Variants in GLI2 observed in about 807,000 individuals in gnomAD.
GLI2 encodes transcription activator GLI2.
A neutral mutation model predicts 78.9 loss-of-function variants in GLI2; 22 were observed. That is an observed-to-expected ratio of 0.28 (90% CI 0.20 to 0.40). The LOEUF (loss-of-function observed/expected upper bound fraction) is 0.40, where lower values mean the gene tolerates loss of function less well. Among genes scored for constraint, GLI2 ranks in the 10% least tolerant of loss-of-function variants. The pLI is 1.00. For missense variants in GLI2, 2,097 were observed against 2,213.2 expected, an observed-to-expected ratio of 0.95 and a Z score of 1.05; for synonymous variants, 974 against 963.7, an observed-to-expected ratio of 1.01 and a Z score of -0.20.
chr2:120,739,427 C>T (rs1682462060), intron 1 of GLI2, among the ~76,000 whole-genome samples: 1 of 152,228 alleles, frequency 6.6e-6, no homozygotes, highest in Non-Finnish European at 1.5e-5. Flanking sequence ...GAATCGGAGT[C>T]CTACATCCTT....
At chr2:120,881,963 G>A (rs576917811) in intron 2 of GLI2, among the ~76,000 whole-genome samples, 9 of 152,124 alleles carry the variant, frequency 5.9e-5, no homozygotes, top group South Asian at 4.1e-4. Context: ...AGCTGGCAAC[G>A]AATGGTCCAG....
chr2:120,747,617 A>G (rs1682731859), intron 1 of GLI2, among the ~76,000 whole-genome samples: 1 of 152,224 alleles, frequency 6.6e-6, no homozygotes, highest in African/African-American at 2.4e-5. Context: ...TAGTGGGTAG[A>G]GGCCAGGGAT....
At chr2:120,759,533 G>A (rs761009282) in intron 1 of GLI2, among the ~76,000 whole-genome samples, 4 of 152,156 alleles carry the variant, frequency 2.6e-5, no homozygotes, top group Non-Finnish European at 5.9e-5. Flanking sequence ...AAGGATAAAG[G>A]TAAAGAGATG....
rs142670658 is a variant in GLI2, at chr2:120,816,483, C to T, written c.148+19015C>T. On this transcript the variant is annotated intron_variant, in intron 2 of 13. Coordinates refer to ENST00000361492, the MANE Select transcript of GLI2 (RefSeq NM_001374353.1). Reference sequence around the variant, plus strand: ...GTGCTGGGATTACAGGCATAAGCCACGGCGCCCGGCCCCAAAGAGCTTTTT... The same window carrying T: ...GTGCTGGGATTACAGGCATAAGCCATGGCGCCCGGCCCCAAAGAGCTTTTT... 2.7e-3 allele frequency among the ~76,000 whole-genome samples: 409 copies of T among 151,828 alleles called. 3 individuals carry two copies. Among genetic ancestry groups the T allele is most frequent in the African/African-American group, 9.0e-3 (372 of 41,424 alleles).
intron 1 of GLI2, among the ~76,000 whole-genome samples, chr2:120,784,089 G>T (rs1337046401): frequency 6.6e-6 from 1 of 152,212 alleles, no homozygotes; most frequent in Non-Finnish European, 1.5e-5. Flanking sequence ...GGCAATCCAG[G>T]AGACAGCTGA....
At chr2:120,767,117 C>T (rs1195102529) in intron 1 of GLI2, among the ~76,000 whole-genome samples, 1 of 152,222 alleles carries the variant, frequency 6.6e-6, no homozygotes, top group Non-Finnish European at 1.5e-5. Flanking sequence ...TCTAACCGAC[C>T]TCTACGTAAC....
At chr2:120,929,292 C>T (rs533709518) in intron 3 of GLI2, among the ~76,000 whole-genome samples, 4 of 152,332 alleles carry the variant, frequency 2.6e-5, no homozygotes, top group South Asian at 2.1e-4. Context: ...CTGGCTTCTC[C>T]GCTTTAAAGT....
chr2:120,843,107 G>C (rs17390274), intron 2 of GLI2, among the ~76,000 whole-genome samples: 22,235 of 152,182 alleles, frequency 0.15, 1,798 homozygotes, highest in Middle Eastern at 0.25. Context: ...CTGTGTGTAC[G>C]GGAAGGTGCC....
chr2:120,795,237 C>A (rs530697866), intron 1 of GLI2, among the ~76,000 whole-genome samples: 2 of 149,240 alleles, frequency 1.3e-5, no homozygotes, highest in Admixed American at 1.3e-4. Flanking sequence ...AAGAAAAATT[C>A]TTGGCTGGGC....
chr2:120,966,111 A>G (rs1220971622), intron 5 of GLI2, among the ~76,000 whole-genome samples: 2 of 152,132 alleles, frequency 1.3e-5, no homozygotes, highest in Non-Finnish European at 2.9e-5. Flanking sequence ...TTCAACTGGG[A>G]GCTTTCCTAA....
intron 1 of GLI2, among the ~76,000 whole-genome samples, chr2:120,760,733 C>G (rs1573351273): frequency 6.6e-6 from 1 of 152,186 alleles, no homozygotes; most frequent in Non-Finnish European, 1.5e-5. Flanking sequence ...TCTCTTTTGG[C>G]TCTTTTTTCT....
chr2:120,894,933 G>A (rs1357425915), intron 2 of GLI2, among the ~76,000 whole-genome samples: 2 of 152,106 alleles, frequency 1.3e-5, no homozygotes, highest in African/African-American at 4.8e-5. Context: ...TCCTGACCTC[G>A]TGATCTGCCC....
intron 2 of GLI2, among the ~76,000 whole-genome samples, chr2:120,823,349 G>A (rs1685877996): frequency 6.6e-6 from 1 of 152,166 alleles, no homozygotes; most frequent in African/African-American, 2.4e-5. Flanking sequence ...AGTTGTGTGT[G>A]GGGCTGGGGG....
intron 2 of GLI2, among the ~76,000 whole-genome samples, chr2:120,904,506 C>G (rs935340834): frequency 6.6e-5 from 10 of 152,138 alleles, no homozygotes; most frequent in African/African-American, 2.2e-4. Context: ...CCTGGCACCT[C>G]CTGGGTGCAG....
chr2:120,743,840 C>T (rs1328032598), intron 1 of GLI2, among the ~76,000 whole-genome samples: 2 of 152,208 alleles, frequency 1.3e-5, no homozygotes, highest in Admixed American at 6.5e-5. Flanking sequence ...GGACAGCCAT[C>T]TCTAAGAGTC....
At chr2:120,974,800 GTGTC>G in intron 8 of GLI2, 171 bp from the exon 9 acceptor site, 1 of 805,590 alleles carries the variant, frequency 1.2e-6, no homozygotes, top group Non-Finnish European at 2.1e-6. Context: ...GTGTGTGTGT[GTGTC>G]TGCATGCATG....
At chr2:120,915,799 G>A (rs1679069189) in intron 2 of GLI2, among the ~76,000 whole-genome samples, 1 of 152,140 alleles carries the variant, frequency 6.6e-6, no homozygotes, top group Non-Finnish European at 1.5e-5. Context: ...CCATCGAAAA[G>A]CACAGACCCC....
intron 4 of GLI2, among the ~76,000 whole-genome samples, chr2:120,954,614 C>T (rs1231220965): frequency 6.6e-6 from 1 of 152,168 alleles, no homozygotes; most frequent in East Asian, 1.9e-4. Context: ...TCCAAGCTCC[C>T]ATTTGTTTCC....
chr2:120,769,149 T>A (rs1043148786), intron 1 of GLI2, among the ~76,000 whole-genome samples: 8 of 152,074 alleles, frequency 5.3e-5, no homozygotes, highest in African/African-American at 1.9e-4. Context: ...CAGAATCCAC[T>A]CTCTCTGGAG....
Sources: allele counts gnomAD v4.1 joint callset (sites outside exome capture counted in the v4.1 genomes callset), GRCh38; gene constraint gnomAD v4.1.1; transcripts MANE v1.5; gene names NCBI Gene and HGNC (gene_info 2026-07-23, HGNC 2026-07-21).